The following MTCL2 variants were observed in gnomAD, a reference collection of about 807,000 sequenced individuals.
The protein encoded by MTCL2 is microtubule cross-linking factor 2.
At chr20:36,790,351 C>A in the MTCL2 span, among the ~76,000 whole-genome samples, 1 of 150,862 alleles carries the variant, frequency 6.6e-6, no homozygotes, top group Admixed American at 6.6e-5. Context: ...TGGTCTCAAA[C>A]TCCTGGCTTC....
chr20:36,862,528 G>A, the MTCL2 span: 3 of 847,866 alleles, frequency 3.5e-6, no homozygotes, highest in South Asian at 3.0e-5. Context: ...CCTCAGAGTG[G>A]TCCCCAGAGG....
the MTCL2 span, chr20:36,829,158 T>G: frequency 1.9e-6 from 3 of 1,608,838 alleles, no homozygotes; most frequent in Non-Finnish European, 2.5e-6. Context: ...CGCGCCCGTT[T>G]CTTCTCCACC....
At chr20:36,821,663 A>T in the MTCL2 span, among the ~76,000 whole-genome samples, 1 of 152,206 alleles carries the variant, frequency 6.6e-6, no homozygotes, top group Non-Finnish European at 1.5e-5. Flanking sequence ...GGTTACATTG[A>T]GCCAAGATCA....
the MTCL2 span, chr20:36,803,012 T>A: frequency 1.2e-6 from 2 of 1,600,348 alleles, no homozygotes; most frequent in East Asian, 4.5e-5. Flanking sequence ...AGGACTCAGC[T>A]AGGAGGTGCT....
At chr20:36,812,011 G>C in the MTCL2 span, among the ~76,000 whole-genome samples, 1 of 152,194 alleles carries the variant, frequency 6.6e-6, no homozygotes, top group Non-Finnish European at 1.5e-5. Context: ...GAGGATCAAA[G>C]AATCCTAGCA....
At chr20:36,798,779 G>A in the MTCL2 span, among the ~76,000 whole-genome samples, 5 of 152,186 alleles carry the variant, frequency 3.3e-5, no homozygotes, top group African/African-American at 7.2e-5. Flanking sequence ...GACTCCATCC[G>A]TTAACAAATC....
the MTCL2 span, among the ~76,000 whole-genome samples, chr20:36,807,816 G>C: frequency 6.8e-6 from 1 of 147,404 alleles, no homozygotes; most frequent in Admixed American, 6.8e-5. Context: ...TGGATTACTT[G>C]AGGTCAGGAG....
At chr20:36,804,537 G>A in the MTCL2 span, among the ~76,000 whole-genome samples, 1 of 152,158 alleles carries the variant, frequency 6.6e-6, no homozygotes, top group African/African-American at 2.4e-5. Context: ...CCCTTCCTCT[G>A]TGACTCCCAT....
At chr20:36,815,746 T>C in the MTCL2 span, 1 of 1,591,870 alleles carries the variant, frequency 6.3e-7, no homozygotes, top group East Asian at 2.3e-5. The surrounding 1 kb of genome is among the most constrained non-coding windows in gnomAD (Gnocchi z 5.3). Context: ...GAAGGTTCGC[T>C]GAGCACAGAA....
chr20:36,833,428 G>A, the MTCL2 span, among the ~76,000 whole-genome samples: 1 of 152,226 alleles, frequency 6.6e-6, no homozygotes, highest in Non-Finnish European at 1.5e-5. Context: ...TGTTTACAGC[G>A]CTAGGGCCTG....
chr20:36,792,849 TAGATAGATAGACAGACAGAC>T, the MTCL2 span, among the ~76,000 whole-genome samples: 2 of 146,522 alleles, frequency 1.4e-5, no homozygotes, highest in Admixed American at 1.4e-4. Context: ...GATAGATAGA[TAGATAGATAGACAGACAGAC>T]AGACAGACAG....
the MTCL2 span, among the ~76,000 whole-genome samples, chr20:36,845,255 CT>C: frequency 2.0e-5 from 3 of 152,228 alleles, no homozygotes; most frequent in African/African-American, 7.2e-5. Flanking sequence ...ATTTCCCCCC[CT>C]AAAAGGGCAA....
chr20:36,821,477 G>A, the MTCL2 span, among the ~76,000 whole-genome samples: 16,019 of 151,784 alleles, frequency 0.11, 1,189 homozygotes, highest in Middle Eastern at 0.19. Context: ...GCAGTGAGCC[G>A]AGATCACACC....
the MTCL2 span, chr20:36,784,626 G>C: frequency 5.1e-6 from 5 of 985,522 alleles, no homozygotes; most frequent in Non-Finnish European, 6.0e-6. Flanking sequence ...GCAACCAAAA[G>C]GGGTTCACCG....
chr20:36,815,011 G>C, the MTCL2 span: 2 of 1,018,620 alleles, frequency 2.0e-6, no homozygotes, highest in Non-Finnish European at 2.8e-6. This position sits in a 1 kb window ranked among gnomAD's most constrained non-coding sequence, Gnocchi z 5.3. Flanking sequence ...GCAGTGAACT[G>C]AGATTGCACC....
the MTCL2 span, chr20:36,794,646 T>C: frequency 6.2e-7 from 1 of 1,612,134 alleles, no homozygotes; most frequent in Non-Finnish European, 8.5e-7. The surrounding 1 kb of genome is among the most constrained non-coding windows in gnomAD (Gnocchi z 5.4). Flanking sequence ...GAAATAACAC[T>C]GAGGGCACAC....
the MTCL2 span, among the ~76,000 whole-genome samples, chr20:36,855,460 G>A: frequency 6.6e-6 from 1 of 152,200 alleles, no homozygotes; most frequent in Non-Finnish European, 1.5e-5. Flanking sequence ...GCTGACTGAG[G>A]CCTCCAGTGA....
the MTCL2 span, chr20:36,793,923 T>A: frequency 5.2e-6 from 8 of 1,551,302 alleles, no homozygotes; most frequent in African/African-American, 5.5e-5. This position sits in a 1 kb window ranked among gnomAD's most constrained non-coding sequence, Gnocchi z 6.8. Context: ...AGGCCCACGC[T>A]GACCGTGCGG....
the MTCL2 span, chr20:36,793,410 A>G: frequency 6.4e-7 from 1 of 1,551,382 alleles, no homozygotes; most frequent in Non-Finnish European, 8.7e-7. This position sits in a 1 kb window ranked among gnomAD's most constrained non-coding sequence, Gnocchi z 6.8. Flanking sequence ...CTGGCTGGGG[A>G]GAGGGGCTCT....
Sources: allele counts gnomAD v4.1 joint callset (sites outside exome capture counted in the v4.1 genomes callset), GRCh38; gene constraint gnomAD v4.1.1; non-coding constraint Gnocchi (gnomAD v3.1); transcripts MANE v1.5; gene names NCBI Gene and HGNC (gene_info 2026-07-23, HGNC 2026-07-21).